The following DNAH17 variants were observed in gnomAD, a reference collection of about 807,000 sequenced individuals.
DNAH17 encodes the protein dynein axonemal heavy chain 17, also known as axonemal beta dynein heavy chain 17.
DNAH17 carries 376 observed loss-of-function variants against 485.6 expected under a neutral mutation model. The observed-to-expected ratio is 0.77, with a 90% CI of 0.71 to 0.84. DNAH17 has a LOEUF of 0.84. Ranked by LOEUF, DNAH17 falls within the 40% of genes least tolerant of loss-of-function variation. DNAH17 has a pLI of 0.00. For synonymous variants in DNAH17, 3,031 were observed against 2,405.9 expected (o/e 1.26, Z -7.60); for missense variants, 6,370 against 5,839.3 (o/e 1.09, Z -2.96).
chr17:78,452,632 G>A (rs2087603102), intron 65 of DNAH17, among the ~76,000 whole-genome samples: 1 of 152,332 alleles, frequency 6.6e-6, no homozygotes, highest in African/African-American at 2.4e-5. Flanking sequence ...CAGCTACTTG[G>A]GAGGCTGAGG....
intron 15 of DNAH17, 147 bp downstream of exon 15, chr17:78,552,550 G>A (rs1010211308): frequency 1.7e-4 from 67 of 401,630 alleles, no homozygotes; most frequent in African/African-American, 9.0e-4. Context: ...GCAGGTGGAA[G>A]TAACTATCCT....
rs2092332066 is a variant in DNAH17, at chr17:78,570,246, C to T, written c.1044+1G>A. 6.3e-7 allele frequency: 1 copy of T among 1,579,916 alleles called. No homozygotes were observed. Among genetic ancestry groups the T allele is most frequent in the African/African-American group, 1.3e-5 (1 of 74,396 alleles). On this transcript the variant is annotated splice_donor_variant, in intron 7 of 80. Coordinates refer to ENST00000389840, the MANE Select transcript of DNAH17 (RefSeq NM_173628.4). LOFTEE classifies it high-confidence loss of function. ...GGACCCAGGGGCCAGGGGAGGGTTA[C>T]CATCTCGATGATTTGGTTGCAGAAC...
At position 78,437,698 on chromosome 17, in the gene DNAH17, G is replaced by T. The variant is rs1339463430; in HGVS notation, c.11976C>A (p.Asn3992Lys). The stretch of plus-strand genomic sequence containing the variant: ...TGGCGTGCATGCCCGTGGGGGGCTC[G>T]TTGGTGATCTTGATGGCGTTCTCCA... The part of the protein sequence containing the change: ...GILENAIKIT[N>K]EPPTGMHANL... The change falls in exon 74 of 81, where the codon AAC becomes AAA. Residue 3992 changes from asparagine (N) to lysine (K), a missense_variant. Physicochemically the swap from Asn to Lys is moderately conservative, Grantham distance 94. Coordinates refer to ENST00000389840, the MANE Select transcript of DNAH17 (RefSeq NM_173628.4). 6.2e-7 allele frequency: 1 copy of T among 1,612,368 alleles called. No individual in the cohort carries two copies. Among genetic ancestry groups the T allele is most frequent in the Admixed American group, 1.7e-5 (1 of 59,978 alleles).
At chr17:78,497,800 G>A (rs1392039498) in intron 37 of DNAH17, among the ~76,000 whole-genome samples, 1 of 152,210 alleles carries the variant, frequency 6.6e-6, no homozygotes, top group Non-Finnish European at 1.5e-5. Flanking sequence ...GAGGCAGAGG[G>A]AGTCCACATC....
At chr17:78,463,617 C>T (rs1181324733) in intron 56 of DNAH17, among the ~76,000 whole-genome samples, 1 of 152,248 alleles carries the variant, frequency 6.6e-6, no homozygotes, top group African/African-American at 2.4e-5. Context: ...TGTGCATTCA[C>T]ATACCTGCAT....
chr17:78,570,309 A>G lies in DNAH17; in HGVS notation c.982T>C (p.Tyr328His), dbSNP rs1050753830. Residue 328 changes from tyrosine to histidine, a missense_variant, in exon 7 of 81, where the codon TAT becomes CAT. By Grantham distance (83) the Tyr-to-His change is moderately conservative (BLOSUM62 2). Transcript: ENST00000389840. ...ICFIWATSEY[Y>H]NTPARIIVIL... is the part of the protein sequence containing the mutation. ...ACGATGATCCTGGCAGGTGTGTTATAGTACTCAGAGGTGGCCCAGATGAAG... is the reference window on the plus strand; with the variant it reads ...ACGATGATCCTGGCAGGTGTGTTATGGTACTCAGAGGTGGCCCAGATGAAG... 1 of 1,604,768 alleles carries G rather than the reference A, an allele frequency of 6.2e-7. No individual in the cohort carries two copies. Among genetic ancestry groups the G allele is most frequent in the African/African-American group, 1.3e-5 (1 of 74,814 alleles).
chr17:78,474,947 G>C (rs76716463), intron 54 of DNAH17, among the ~76,000 whole-genome samples: 29,011 of 122,670 alleles, frequency 0.24, 3,925 homozygotes, highest in African/African-American at 0.47. Flanking sequence ...AAAGGTTTCA[G>C]ACCCTTCACC....
intron 48 of DNAH17, among the ~76,000 whole-genome samples, chr17:78,484,095 CAAAAAAAAA>C (rs11290299): frequency 8.1e-4 from 31 of 38,402 alleles, no homozygotes; most frequent in Non-Finnish European, 1.1e-3. Flanking sequence ...GATTTCTCCT[CAAAAAAAAA>C]AAAAAAAAAA....
At chr17:78,472,626 G>C (rs546312957) in intron 54 of DNAH17, 1 of 423,122 alleles carries the variant, frequency 2.4e-6, no homozygotes, top group Non-Finnish European at 4.8e-6. Flanking sequence ...CCCGGGGGCT[G>C]TGTGTGGGGT....
At position 78,539,776 on chromosome 17, in the gene DNAH17, G is replaced by A. The variant is rs2143410310; in HGVS notation, c.2637C>T (p.Arg879=). 3 of 1,611,612 alleles carry A rather than the reference G, an allele frequency of 1.9e-6. No homozygotes were observed. The highest frequency in any genetic ancestry group is 3.3e-5 in the Admixed American group (2 of 59,852). The change falls in exon 18 of 81, where the codon CGC becomes CGT. Residue 879 remains arginine (R), a synonymous_variant. Coordinates refer to ENST00000389840, the MANE Select transcript of DNAH17 (RefSeq NM_173628.4). ...MVLDEFDQFI[R]KSLSFLMDNM... ...TGTCCATTAGGAAACTCAGAGATTT[G>A]CGAATGAACTGGTCAAATTCATCTA...
intron 24 of DNAH17, 126 bp downstream of exon 24, chr17:78,526,525 C>T (rs1430865869): frequency 2.8e-5 from 21 of 758,910 alleles, no homozygotes; most frequent in East Asian, 1.4e-4. Flanking sequence ...TAAGAGCACT[C>T]GTGCACGGCC....
chr17:78,566,913 G>T, intron 10 of DNAH17, 86 bp downstream of exon 10: 1 of 1,477,786 alleles, frequency 6.8e-7, no homozygotes, highest in South Asian at 1.3e-5. Context: ...TCCTCCGTGT[G>T]CCCTCCCATC....
rs189251104 is a variant in DNAH17, at chr17:78,511,493, C to T, written c.4114-987G>A. Among the ~76,000 whole-genome samples, 179 of 152,328 alleles carry T rather than the reference C, an allele frequency of 1.2e-3. 1 individual carries two copies. The highest frequency in any genetic ancestry group is 4.0e-3 in the African/African-American group (165 of 41,578). On this transcript the variant is annotated intron_variant, in intron 26 of 80. Transcript: ENST00000389840. Reference sequence around the variant, plus strand: ...TGAATCCACCACCTTTGGCAGCTGCCGCATTCACAATAGGCAAAGCGCTCT... The same window carrying T: ...TGAATCCACCACCTTTGGCAGCTGCTGCATTCACAATAGGCAAAGCGCTCT...
At chr17:78,446,833 A>G (rs1011367348) in intron 69 of DNAH17, among the ~76,000 whole-genome samples, 2 of 152,046 alleles carry the variant, frequency 1.3e-5, no homozygotes, top group Admixed American at 6.6e-5. Context: ...TTGTAGAGAC[A>G]GGGTTTCACC....
At chr17:78,438,875 C>T (rs751478085) in intron 73 of DNAH17, among the ~76,000 whole-genome samples, 15 of 152,282 alleles carry the variant, frequency 9.9e-5, no homozygotes, top group Non-Finnish European at 1.5e-4. Context: ...GAAGAATCCA[C>T]GCTTTCCTCT....
At position 78,530,495 on chromosome 17, in the gene DNAH17, C is replaced by T. The variant is rs372810643; in HGVS notation, c.3132G>A (p.Lys1044=). Residue 1044 remains lysine, a synonymous_variant, in exon 21 of 81, where the codon AAG becomes AAA. Transcript: ENST00000389840. The stretch of plus-strand genomic sequence containing the variant: ...CGCACTTGGACACCTCCTCATACAG[C>T]TTCTCGTAGGAGTCGATCTGGAAAA... ...QFQEQIDSYE[K]LYEEVSKCEN... The T allele has an allele frequency of 3.1e-6, 5 of 1,608,462 alleles. No homozygotes were observed. In the African/African-American group the frequency reaches 5.3e-5, roughly 17 times the overall value.
intron 44 of DNAH17, 142 bp from the exon 45 acceptor site, chr17:78,486,648 C>G: frequency 9.0e-7 from 1 of 1,112,258 alleles, no homozygotes. Context: ...GGCAATGGGT[C>G]CAAACGAGGG....
chr17:78,433,408 G>A (rs564597989), intron 75 of DNAH17, among the ~76,000 whole-genome samples: 4 of 152,232 alleles, frequency 2.6e-5, no homozygotes, highest in African/African-American at 9.6e-5. Context: ...GCCCTCTGCT[G>A]TGCACCTTGC....
At chr17:78,488,514 T>C (rs1398374544) in intron 44 of DNAH17, among the ~76,000 whole-genome samples, 1 of 152,188 alleles carries the variant, frequency 6.6e-6, no homozygotes, top group African/African-American at 2.4e-5. Flanking sequence ...CCCTGAGGAC[T>C]CCACGATCCT....
Sources: gnomAD v4.1 joint callset for allele counts (sites outside exome capture counted in the v4.1 genomes callset) on GRCh38, gnomAD v4.1.1 for gene constraint, MANE v1.5 for transcripts, NCBI Gene and HGNC (gene_info 2026-07-23, HGNC 2026-07-21) for gene names.